FGF14: variants seen among roughly 807,000 people sequenced by gnomAD.
FGF14 encodes fibroblast growth factor homologous factor 4.
In FGF14, 5 loss-of-function variants were observed where a neutral mutation model predicts 25.5. That is an observed-to-expected ratio of 0.20 (90% CI 0.10 to 0.41). FGF14 has a LOEUF of 0.41. Ranked by LOEUF, FGF14 falls within the 10% of genes least tolerant of loss-of-function variation. The pLI is 1.00. For synonymous variants in FGF14, 138 were observed against 118.3 expected, an observed-to-expected ratio of 1.17 and a Z score of -1.08; for missense variants, 222 against 320.1, an observed-to-expected ratio of 0.69 and a Z score of 2.34.
rs911244707 is a variant in FGF14 at position 101,712,106 on chromosome 13, A to AG, written c.*10724dup. ...CGTTCTACAGGAAAAGTGCTATAAT[A>AG]GGTCCTAATAACTATTCACACTGTG... On this transcript the variant is annotated 3_prime_UTR_variant, in exon 5 of 5. Coordinates refer to ENST00000376143, the MANE Select transcript of FGF14 (RefSeq NM_004115.4). 8 of 152,324 alleles carry AG rather than the reference A, an allele frequency of 5.3e-5. No homozygotes were observed. The highest frequency in any genetic ancestry group is 2.0e-4 in the Admixed American group (3 of 15,296). The allele number at this position is 152,324 out of a possible 1,614,324, so 9.4% of individuals were successfully genotyped here. A position where few individuals can be genotyped will look rare whatever the true frequency, so the allele number is the denominator to read the frequency against.
chr13:102,288,282 T>A lies in FGF14; in HGVS notation c.208+113189A>T, dbSNP rs181021854. On this transcript the variant is annotated intron_variant, in intron 1 of 4. Transcript: ENST00000376131. The stretch of plus-strand genomic sequence containing the variant: ...AAATAATGTGAGCCTTATTCTCACA[T>A]ATCCTGTTATTCACAATAATTAACA... Among the ~76,000 whole-genome samples, 11 of 152,348 alleles carry A rather than the reference T, an allele frequency of 7.2e-5. No individual in the cohort carries two copies. The East Asian group carries it at 1.2e-3, about 16-fold the overall frequency.
intron 3 of FGF14, among the ~76,000 whole-genome samples, chr13:101,845,204 T>C (rs1195640893): frequency 6.6e-6 from 1 of 152,016 alleles, no homozygotes; most frequent in Non-Finnish European, 1.5e-5. Flanking sequence ...AAATTTGCTG[T>C]TTTTCAAAAA....
chr13:102,399,008 G>C (rs1053799607), intron 1 of FGF14, among the ~76,000 whole-genome samples: 1 of 151,768 alleles, frequency 6.6e-6, no homozygotes, highest in Non-Finnish European at 1.5e-5. Flanking sequence ...GATACACTTT[G>C]AGTTAGCCCA....
intron 1 of FGF14, among the ~76,000 whole-genome samples, chr13:102,162,219 G>A (rs1317121250): frequency 2.0e-5 from 3 of 152,160 alleles, no homozygotes; most frequent in African/African-American, 4.8e-5. Context: ...AGCAAACTCA[G>A]AATCTCTCGG....
At chr13:102,087,222 T>A (rs959561858) in intron 1 of FGF14, among the ~76,000 whole-genome samples, 1 of 152,088 alleles carries the variant, frequency 6.6e-6, no homozygotes, top group South Asian at 2.1e-4. Flanking sequence ...ACTTTGATGA[T>A]CCCTAAAGTG....
chr13:101,800,608 A>G (rs138243096), intron 3 of FGF14, among the ~76,000 whole-genome samples: 7 of 152,302 alleles, frequency 4.6e-5, no homozygotes, highest in Non-Finnish European at 8.8e-5. Flanking sequence ...CTACTTCAAA[A>G]ATTGAAATTA....
chr13:101,892,330 C>CA (rs138469677), intron 1 of FGF14, among the ~76,000 whole-genome samples: 2,451 of 151,866 alleles, frequency 0.016, 86 homozygotes, highest in African/African-American at 0.056. Flanking sequence ...TAGAAACAAA[C>CA]AAAAAAATAG....
intron 1 of FGF14, among the ~76,000 whole-genome samples, chr13:102,164,915 G>A (rs1222003409): frequency 6.6e-6 from 1 of 152,150 alleles, no homozygotes; most frequent in African/African-American, 2.4e-5. Context: ...GATGCATAGT[G>A]ACAATATGAA....
intron 1 of FGF14, among the ~76,000 whole-genome samples, chr13:101,949,583 T>C (rs1000992767): frequency 2.6e-5 from 4 of 152,170 alleles, no homozygotes; most frequent in Admixed American, 6.5e-5. Context: ...TAGACATGCA[T>C]GCCCTTTAGT....
intron 1 of FGF14, among the ~76,000 whole-genome samples, chr13:102,000,847 G>C (rs928675006): frequency 1.4e-4 from 21 of 152,174 alleles, no homozygotes; most frequent in Admixed American, 1.4e-3. Context: ...AATGCCAATG[G>C]AAATGTCCTA....
chr13:102,320,075 G>A (rs2056186612), intron 1 of FGF14, among the ~76,000 whole-genome samples: 2 of 152,068 alleles, frequency 1.3e-5, no homozygotes, highest in South Asian at 4.1e-4. Flanking sequence ...ATGTGCCTCT[G>A]TGTGCGTGTG....
intron 3 of FGF14, among the ~76,000 whole-genome samples, chr13:101,833,556 C>T (rs894706614): frequency 8.6e-5 from 13 of 151,994 alleles, no homozygotes; most frequent in Non-Finnish European, 1.3e-4. Context: ...TGTGCAAAGA[C>T]ACAAGATGCC....
At chr13:102,222,988 C>A (rs2050682707) in intron 1 of FGF14, among the ~76,000 whole-genome samples, 1 of 152,134 alleles carries the variant, frequency 6.6e-6, no homozygotes, top group South Asian at 2.1e-4. Context: ...AATAAGCTCT[C>A]AATAGAAGTC....
intron 1 of FGF14, among the ~76,000 whole-genome samples, chr13:102,174,312 T>C (rs548880469): frequency 1.6e-3 from 172 of 105,616 alleles, no homozygotes; most frequent in Non-Finnish European, 2.7e-3. Flanking sequence ...TTTTTTCTTT[T>C]CTTTCTTTCT....
chr13:102,294,519 T>G (rs959383204), intron 1 of FGF14, among the ~76,000 whole-genome samples: 2 of 152,174 alleles, frequency 1.3e-5, no homozygotes, highest in African/African-American at 4.8e-5. Context: ...ATGTTATCTC[T>G]AAAAATAAAC....
intron 1 of FGF14, among the ~76,000 whole-genome samples, chr13:101,890,971 C>T (rs2046239147): frequency 6.6e-6 from 1 of 151,970 alleles, no homozygotes; most frequent in Admixed American, 6.6e-5. Flanking sequence ...TAATGTCTAC[C>T]CCATCAAGGT....
At chr13:102,218,648 G>A (rs1448552716) in intron 1 of FGF14, among the ~76,000 whole-genome samples, 1 of 151,810 alleles carries the variant, frequency 6.6e-6, no homozygotes, top group African/African-American at 2.4e-5. Flanking sequence ...AAGCTAGGGT[G>A]CCATAACTCT....
At chr13:101,889,086 G>A (rs1230104138) in intron 1 of FGF14, among the ~76,000 whole-genome samples, 1 of 152,126 alleles carries the variant, frequency 6.6e-6, no homozygotes, top group East Asian at 1.9e-4. Flanking sequence ...GCCAAGGAGA[G>A]AGGCCTCAGG....
At chr13:101,837,381 G>A (rs1338568424) in intron 3 of FGF14, among the ~76,000 whole-genome samples, 2 of 152,024 alleles carry the variant, frequency 1.3e-5, no homozygotes, top group Non-Finnish European at 2.9e-5. Flanking sequence ...TGAACTCTAG[G>A]GAATTGCTAC....
Sources: allele counts gnomAD v4.1 joint callset (sites outside exome capture counted in the v4.1 genomes callset), GRCh38; gene constraint gnomAD v4.1.1; transcripts MANE v1.5; gene names NCBI Gene and HGNC (gene_info 2026-07-23, HGNC 2026-07-21).